Variants in SUCLG2 observed in about 807,000 individuals in gnomAD.
SUCLG2 encodes succinate--CoA ligase [GDP-forming] subunit beta, mitochondrial.
In SUCLG2, 42 loss-of-function variants were observed where a neutral mutation model predicts 47.9. The observed-to-expected ratio is 0.88, with a 90% CI of 0.69 to 1.14. The LOEUF (loss-of-function observed/expected upper bound fraction) is 1.14. Ranked by LOEUF, SUCLG2 falls within the 50% of genes most tolerant of loss-of-function variation. The probability of loss-of-function intolerance (pLI) is 0.00; values close to 1 mark genes in which losing one functional copy is unlikely to be tolerated. For synonymous variants in SUCLG2, 195 were observed against 197.3 expected, an observed-to-expected ratio of 0.99 and a Z score of 0.10; for missense variants, 571 against 525.9, an observed-to-expected ratio of 1.09 and a Z score of -0.84.
chr3:67,488,900 C>T (rs553246917), intron 9 of SUCLG2, among the ~76,000 whole-genome samples: 8 of 152,140 alleles, frequency 5.3e-5, no homozygotes, highest in South Asian at 2.1e-4. Context: ...CTGGGACTAA[C>T]GACAAAATTT....
chr3:67,424,084 G>T (rs1703239576), intron 9 of SUCLG2, among the ~76,000 whole-genome samples: 1 of 152,176 alleles, frequency 6.6e-6, no homozygotes, highest in Non-Finnish European at 1.5e-5. Context: ...GAATATAAAA[G>T]CAAATGATGG....
At chr3:67,617,510 G>C (rs1213759315) in intron 1 of SUCLG2, among the ~76,000 whole-genome samples, 1 of 152,172 alleles carries the variant, frequency 6.6e-6, no homozygotes, top group Admixed American at 6.5e-5. Flanking sequence ...GTCTTCATTG[G>C]AAGTCACCTT....
chr3:67,591,179 T>C (rs994943012), intron 2 of SUCLG2, among the ~76,000 whole-genome samples: 1 of 152,212 alleles, frequency 6.6e-6, no homozygotes, highest in East Asian at 1.9e-4. Context: ...AAGCCTTTCC[T>C]ACCATTCCAG....
chr3:67,595,643 G>A (rs1575804423), intron 2 of SUCLG2, among the ~76,000 whole-genome samples: 1 of 152,174 alleles, frequency 6.6e-6, no homozygotes. Flanking sequence ...CTATCACTCT[G>A]AGAAGCTCCA....
intron 7 of SUCLG2, among the ~76,000 whole-genome samples, chr3:67,503,624 T>G (rs1705560086): frequency 1.3e-5 from 2 of 152,222 alleles, no homozygotes; most frequent in South Asian, 4.1e-4. Context: ...GTCACATTAA[T>G]GAAACTCAAT....
At chr3:67,505,650 A>C (rs1184463723) in intron 7 of SUCLG2, among the ~76,000 whole-genome samples, 2 of 152,138 alleles carry the variant, frequency 1.3e-5, no homozygotes, top group African/African-American at 4.8e-5. Context: ...TGGAAGGTCA[A>C]AAAAAGTTTC....
intron 9 of SUCLG2, among the ~76,000 whole-genome samples, chr3:67,439,969 G>C (rs987818459): frequency 1.3e-5 from 2 of 152,086 alleles, no homozygotes; most frequent in African/African-American, 4.8e-5. Flanking sequence ...CATACTACCT[G>C]AATTCAAGCT....
intron 2 of SUCLG2, among the ~76,000 whole-genome samples, chr3:67,566,434 T>C (rs1406313669): frequency 1.3e-5 from 2 of 152,194 alleles, no homozygotes; most frequent in Non-Finnish European, 1.5e-5. Flanking sequence ...TAAAGTATAA[T>C]CAAAATTTTG....
chr3:67,546,865 C>A (rs1304331281), intron 2 of SUCLG2, among the ~76,000 whole-genome samples: 1 of 152,202 alleles, frequency 6.6e-6, no homozygotes, highest in Non-Finnish European at 1.5e-5. Flanking sequence ...TGTACCACTG[C>A]ACTCCAGCCT....
In SUCLG2 at chr3:67,516,680, C is replaced by G. The variant is rs919390883; in HGVS notation, c.660+1567G>C. Among the ~76,000 whole-genome samples the G allele has an allele frequency of 2.0e-5, 3 of 152,204 alleles. No homozygotes were observed. In the East Asian group the frequency reaches 5.8e-4, roughly 29 times the overall value. On this transcript the variant is annotated intron_variant, in intron 6 of 10. Transcript: ENST00000307227. Reference sequence around the variant, plus strand: ...AGCACTTTGCCAGCTGCTGGCAACACAGCAGTGAGTAGGATGGACAAAGTC... The same window carrying G: ...AGCACTTTGCCAGCTGCTGGCAACAGAGCAGTGAGTAGGATGGACAAAGTC...
chr3:67,584,644 C>G (rs1256769240), intron 2 of SUCLG2, among the ~76,000 whole-genome samples: 1 of 152,110 alleles, frequency 6.6e-6, no homozygotes, highest in African/African-American at 2.4e-5. Context: ...TCTCTGGTAA[C>G]TGCTGCTATA....
intron 7 of SUCLG2, among the ~76,000 whole-genome samples, chr3:67,502,386 T>C (rs1372849721): frequency 2.0e-5 from 3 of 152,340 alleles, no homozygotes; most frequent in Non-Finnish European, 2.9e-5. Context: ...CCACTTAATA[T>C]AGACTGGCAT....
chr3:67,410,151 G>T (rs549595310), intron 9 of SUCLG2, among the ~76,000 whole-genome samples: 131 of 152,294 alleles, frequency 8.6e-4, no homozygotes, highest in African/African-American at 3.1e-3. Flanking sequence ...TTCAGGAGCT[G>T]GTATGTTTGT....
Position 67,617,794 on chromosome 3 carries a change from A to G in SUCLG2, c.85-8198T>C, listed in dbSNP as rs1288492158. On this transcript the variant is annotated intron_variant, in intron 1 of 10. Transcript: ENST00000307227. ...GGCTGTTGTAAAGATTAAATGAGTT[A>G]ATATATGCAAATAAACTGGAACAGT... 2.0e-5 allele frequency among the ~76,000 whole-genome samples: 3 copies of G among 152,340 alleles called. No homozygotes were observed. The South Asian group carries it at 6.2e-4, about 32-fold the overall frequency.
At chr3:67,470,434 C>T (rs1704577337) in intron 9 of SUCLG2, among the ~76,000 whole-genome samples, 1 of 152,168 alleles carries the variant, frequency 6.6e-6, no homozygotes, top group Non-Finnish European at 1.5e-5. Context: ...ATGTCTCCTC[C>T]CAAACTCATG....
chr3:67,434,095 C>T (rs1575692640), intron 9 of SUCLG2, among the ~76,000 whole-genome samples: 3 of 152,256 alleles, frequency 2.0e-5, no homozygotes, highest in East Asian at 3.9e-4. Flanking sequence ...CACTAAAGTA[C>T]GAGTAACTGC....
chr3:67,596,318 A>G (rs575101950), intron 2 of SUCLG2, among the ~76,000 whole-genome samples: 1 of 152,340 alleles, frequency 6.6e-6, no homozygotes, highest in Non-Finnish European at 1.5e-5. Flanking sequence ...TTAAAGCTAG[A>G]ATTGCCAACT....
intron 2 of SUCLG2, among the ~76,000 whole-genome samples, chr3:67,539,102 A>G (rs751333225): frequency 6.6e-6 from 1 of 152,224 alleles, no homozygotes; most frequent in African/African-American, 2.4e-5. Context: ...TATGTTGAAT[A>G]GGAGTGGTGA....
chr3:67,540,983 C>T (rs1223623909), intron 2 of SUCLG2, among the ~76,000 whole-genome samples: 1 of 152,160 alleles, frequency 6.6e-6, no homozygotes, highest in African/African-American at 2.4e-5. Context: ...AGAAGAAAAA[C>T]TAACAAACAG....
Sources: allele counts gnomAD v4.1 joint callset (sites outside exome capture counted in the v4.1 genomes callset), GRCh38; gene constraint gnomAD v4.1.1; transcripts MANE v1.5; gene names NCBI Gene and HGNC (gene_info 2026-07-23, HGNC 2026-07-21).